TIAM2: variants seen among roughly 807,000 people sequenced by gnomAD.
TIAM2 encodes the protein TIAM Rac1 associated GEF 2.
A neutral mutation model predicts 152.9 loss-of-function variants in TIAM2; 80 were observed. That is an observed-to-expected ratio of 0.52 (90% CI 0.44 to 0.63). TIAM2 has a LOEUF of 0.63. TIAM2 is among the 30% of genes least tolerant of loss of function. TIAM2 has a pLI of 0.00. For missense variants in TIAM2, 1,965 were observed against 2,120.1 expected (o/e 0.93, Z 1.44); for synonymous variants, 804 against 838.0 (o/e 0.96, Z 0.70).
At chr6:155,045,428 C>G (rs963019882) in intron 1 of TIAM2, among the ~76,000 whole-genome samples, 1 of 148,214 alleles carries the variant, frequency 6.7e-6, no homozygotes, top group Non-Finnish European at 1.5e-5. Flanking sequence ...ACATTTTTCT[C>G]GAGTTTTTCT....
rs936263124 is a variant in TIAM2, at chr6:155,186,812, A to G, written c.3064+3312A>G. The stretch of plus-strand genomic sequence containing the variant: ...AATCAAAAATTTAAATGACTTTGAA[A>G]AACAGTTTTTAATACAACTTTGAAT... On this transcript the variant is annotated intron_variant, in intron 14 of 26. Transcript: ENST00000682666. This position sits in a 1 kb window ranked among gnomAD's most constrained non-coding sequence, Gnocchi z 4.5. Among the ~76,000 whole-genome samples, 2 of 152,226 alleles carry G rather than the reference A, an allele frequency of 1.3e-5. No homozygotes were observed. Among genetic ancestry groups the G allele is most frequent in the Non-Finnish European group, 2.9e-5 (2 of 68,030 alleles).
intron 1 of TIAM2, among the ~76,000 whole-genome samples, chr6:155,057,197 GT>G (rs1248548858): frequency 6.6e-6 from 1 of 150,992 alleles, no homozygotes; most frequent in South Asian, 2.1e-4. Flanking sequence ...CCCAGCTAAT[GT>G]TTTTTTATTA....
rs143874214 is a variant in TIAM2 at position 155,047,667 on chromosome 6, G to GGA, written c.-208-42602_-208-42601dup. On this transcript the variant is annotated intron_variant, in intron 1 of 26. Coordinates refer to ENST00000682666, the MANE Select transcript of TIAM2 (RefSeq NM_012454.4). ...GGGTGGGGGGAGAGAGAGAGAGAGA[G>GGA]GAGAGAGAGAGAGAGAGAGAGGAGA... 3.3e-4 allele frequency among the ~76,000 whole-genome samples: 24 copies of GGA among 73,394 alleles called. 3 individuals carry two copies. Among genetic ancestry groups the GGA allele is most frequent in the African/African-American group, 5.3e-4 (10 of 18,920 alleles). The allele number at this position is 73,394 out of a possible 152,430, so 48.1% of individuals were successfully genotyped here.
At chr6:155,173,199 G>GTGTGTGTCTGTC (rs141491120) in intron 9 of TIAM2, among the ~76,000 whole-genome samples, 125 of 149,766 alleles carry the variant, frequency 8.3e-4, no homozygotes, top group Middle Eastern at 3.4e-3. Flanking sequence ...GTGTGTGTGT[G>GTGTGTGTCTGTC]TGTCTGTCTG....
At chr6:155,097,600 C>A (rs1258649803) in intron 2 of TIAM2, among the ~76,000 whole-genome samples, 2 of 152,192 alleles carry the variant, frequency 1.3e-5, no homozygotes, top group Non-Finnish European at 1.5e-5. Flanking sequence ...CTTGGCCCCC[C>A]AAAGTGCTGG....
At chr6:155,182,769 G>A (rs1005626816) in intron 13 of TIAM2, among the ~76,000 whole-genome samples, 1 of 152,110 alleles carries the variant, frequency 6.6e-6, no homozygotes, top group Non-Finnish European at 1.5e-5. Flanking sequence ...GTTAACATGG[G>A]AACACTAGAA....
chr6:155,168,408 A>T (rs1226502178), intron 9 of TIAM2, among the ~76,000 whole-genome samples: 12 of 152,154 alleles, frequency 7.9e-5, no homozygotes, highest in Admixed American at 7.2e-4. Flanking sequence ...CCCAGGCTGC[A>T]GTGCAGTGGC....
chr6:155,031,320 C>T (rs1344072679), intron 1 of TIAM2, among the ~76,000 whole-genome samples: 3 of 152,158 alleles, frequency 2.0e-5, no homozygotes, highest in Admixed American at 6.5e-5. Flanking sequence ...TTCTAAATGA[C>T]TCAGACACTG....
intron 23 of TIAM2, 95 bp from the exon 24 acceptor site, chr6:155,252,853 C>A: frequency 1.7e-6 from 2 of 1,162,714 alleles, no homozygotes; most frequent in East Asian, 2.4e-5. Flanking sequence ...GGAGACTCGC[C>A]CACAGGGAGA....
chr6:155,082,833 C>A (rs980639449), intron 1 of TIAM2, among the ~76,000 whole-genome samples: 3 of 152,046 alleles, frequency 2.0e-5, no homozygotes, highest in South Asian at 4.2e-4. Context: ...ATACTTGGAG[C>A]TTTTATTGGT....
Position 155,129,232 on chromosome 6 carries a change from C to T in TIAM2, c.9C>T (p.Asn3=), listed in dbSNP as rs1779373967. Reference sequence around the variant, plus strand: ...TCTTAATTTAGGTTAAAATGGGCAACTCCGACAGTCAGTACACCCTTCAAG... The same window carrying T: ...TCTTAATTTAGGTTAAAATGGGCAATTCCGACAGTCAGTACACCCTTCAAG... The part of the protein sequence containing the change: MG[N]SDSQYTLQGS... Residue 3 remains asparagine, a synonymous_variant, in exon 4 of 27, where the codon AAC becomes AAT. Coordinates refer to ENST00000682666, the MANE Select transcript of TIAM2 (RefSeq NM_012454.4). This position sits in a 1 kb window ranked among gnomAD's most constrained non-coding sequence, Gnocchi z 4.8. 1.2e-6 allele frequency: 2 copies of T among 1,610,736 alleles called. No individual in the cohort carries two copies. Among genetic ancestry groups the T allele is most frequent in the African/African-American group, 2.7e-5 (2 of 74,850 alleles).
At chr6:155,068,158 T>A (rs1480175531) in intron 1 of TIAM2, among the ~76,000 whole-genome samples, 1 of 151,832 alleles carries the variant, frequency 6.6e-6, no homozygotes, top group Admixed American at 6.6e-5. Context: ...GGCGCCAGAG[T>A]TTCCAGCCTC....
At chr6:155,133,416 A>G (rs1477020583) in intron 4 of TIAM2, among the ~76,000 whole-genome samples, 1 of 152,130 alleles carries the variant, frequency 6.6e-6, no homozygotes, top group African/African-American at 2.4e-5. Context: ...TTAGAATTTT[A>G]TTATTTATTT....
At chr6:155,079,739 G>T (rs1778023219) in intron 1 of TIAM2, among the ~76,000 whole-genome samples, 1 of 152,184 alleles carries the variant, frequency 6.6e-6, no homozygotes, top group Non-Finnish European at 1.5e-5. Flanking sequence ...TTGAGGTCAG[G>T]AGTTCGAGAC....
At chr6:155,011,063 A>G (rs1406530741) in intron 1 of TIAM2, among the ~76,000 whole-genome samples, 2 of 151,990 alleles carry the variant, frequency 1.3e-5, no homozygotes, top group Non-Finnish European at 2.9e-5. Flanking sequence ...AAAAAATTAA[A>G]TTTAGGAGCT....
intron 2 of TIAM2, among the ~76,000 whole-genome samples, chr6:155,110,318 C>CTTTTTTTTTTTTTTTTTTTTT (rs67332964): frequency 2.2e-5 from 3 of 133,798 alleles, no homozygotes; most frequent in Non-Finnish European, 3.1e-5. Context: ...TCTTTCTTTT[C>CTTTTTTTTTTTTTTTTTTTTT]TTTTTTTTTT....
At chr6:155,171,530 A>G (rs1780587013) in intron 9 of TIAM2, among the ~76,000 whole-genome samples, 1 of 152,188 alleles carries the variant, frequency 6.6e-6, no homozygotes, top group Non-Finnish European at 1.5e-5. Context: ...CAGTATTGTC[A>G]TCTTAGTCAT....
At chr6:155,039,512 A>C (rs1181111597) in intron 1 of TIAM2, among the ~76,000 whole-genome samples, 4 of 151,974 alleles carry the variant, frequency 2.6e-5, no homozygotes, top group African/African-American at 9.7e-5. Context: ...GTCTGCACTG[A>C]AATTTCCCAG....
intron 11 of TIAM2, 28 bp downstream of exon 11, chr6:155,179,171 A>C: frequency 6.3e-7 from 1 of 1,577,846 alleles, no homozygotes; most frequent in East Asian, 2.2e-5. Flanking sequence ...TTAGGAAGGG[A>C]AACTGAACCA....
Sources: gnomAD v4.1 joint callset for allele counts (sites outside exome capture counted in the v4.1 genomes callset) on GRCh38, gnomAD v4.1.1 for gene constraint, Gnocchi (gnomAD v3.1) non-coding constraint, MANE v1.5 for transcripts, NCBI Gene and HGNC (gene_info 2026-07-23, HGNC 2026-07-21) for gene names.